The following PDE1C variants were observed in gnomAD, a reference collection of about 807,000 sequenced individuals.
PDE1C encodes phosphodiesterase 1C, also known as dual specificity calcium/calmodulin-dependent 3',5'-cyclic nucleotide phosphodiesterase 1C.
In PDE1C, 62 loss-of-function variants were observed where a neutral mutation model predicts 93.1. That is an observed-to-expected ratio of 0.67 (90% confidence interval 0.54 to 0.82). The LOEUF (loss-of-function observed/expected upper bound fraction) is 0.82. PDE1C is among the 40% of genes least tolerant of loss of function. The pLI, the probability that PDE1C is intolerant of heterozygous loss-of-function variation, is 0.00. For missense variants in PDE1C, 742 were observed against 884.6 expected, an observed-to-expected ratio of 0.84 and a Z score of 2.04; for synonymous variants, 325 against 310.1, an observed-to-expected ratio of 1.05 and a Z score of -0.50.
At chr7:31,705,986 A>ATTTTTTTTTTTT in the PDE1C span, among the ~76,000 whole-genome samples, 8 of 52,514 alleles carry the variant, frequency 1.5e-4, 1 homozygote, top group African/African-American at 3.8e-4. Flanking sequence ...CAGACCAGTA[A>ATTTTTTTTTTTT]TTTTTTTTTT....
chr7:31,890,080 T>C (rs1266503168), intron 2 of PDE1C, among the ~76,000 whole-genome samples: 1 of 152,164 alleles, frequency 6.6e-6, no homozygotes, highest in African/African-American at 2.4e-5. Context: ...GCAGACCTTA[T>C]TGGGAAAGGA....
At chr7:32,188,641 G>A (rs1392400245) in intron 2 of PDE1C, among the ~76,000 whole-genome samples, 1 of 151,984 alleles carries the variant, frequency 6.6e-6, no homozygotes, top group Non-Finnish European at 1.5e-5. Flanking sequence ...TCATTTCTTT[G>A]GGGGAATGCA....
intron 1 of PDE1C, among the ~76,000 whole-genome samples, chr7:32,408,881 T>C (rs577382003): frequency 2.0e-5 from 3 of 152,284 alleles, no homozygotes; most frequent in Admixed American, 2.0e-4. Flanking sequence ...AAAGAAAATT[T>C]TCTAAGAAAA....
chr7:32,003,202 T>C (rs1280394104), intron 2 of PDE1C, among the ~76,000 whole-genome samples: 1 of 152,222 alleles, frequency 6.6e-6, no homozygotes, highest in East Asian at 1.9e-4. Flanking sequence ...CTCCCTTTAA[T>C]GAGTTCACTT....
intron 1 of PDE1C, among the ~76,000 whole-genome samples, chr7:32,350,579 TATATATA>T (rs1367558495): frequency 1.5e-3 from 1 of 678 alleles, no homozygotes; most frequent in African/African-American, 1.8e-3. Context: ...TATATATATA[TATATATA>T]TATATTTTTT....
intron 1 of PDE1C, among the ~76,000 whole-genome samples, chr7:32,389,025 T>C (rs1353566097): frequency 6.6e-6 from 1 of 152,208 alleles, no homozygotes; most frequent in Non-Finnish European, 1.5e-5. Flanking sequence ...GTATTCAAAC[T>C]GCAAAATGTC....
At chr7:32,197,262 A>T (rs1274081634) in intron 2 of PDE1C, among the ~76,000 whole-genome samples, 1 of 152,192 alleles carries the variant, frequency 6.6e-6, no homozygotes, top group Non-Finnish European at 1.5e-5. Context: ...AATATTTCAC[A>T]CACATTAGGG....
the PDE1C span, among the ~76,000 whole-genome samples, chr7:31,686,500 T>C: frequency 7.2e-5 from 11 of 152,362 alleles, 1 homozygote; most frequent in East Asian, 1.7e-3. Context: ...CTGCTTTCTT[T>C]GCTATGTGCT....
intron 3 of PDE1C, among the ~76,000 whole-genome samples, chr7:31,880,520 T>A (rs1474722364): frequency 6.6e-6 from 1 of 152,212 alleles, no homozygotes. Context: ...CACTTCCTTG[T>A]CATGGCGGCC....
chr7:32,334,890 T>TACACCATAAATATATACTA (rs2128078134), intron 1 of PDE1C, among the ~76,000 whole-genome samples: 1 of 152,302 alleles, frequency 6.6e-6, no homozygotes, highest in Admixed American at 6.5e-5. Flanking sequence ...AAATGTTTTG[T>TACACCATAAATATATACTA]CTTTCAAATT....
chr7:32,372,980 G>A (rs1373348243), intron 1 of PDE1C, among the ~76,000 whole-genome samples: 1 of 152,112 alleles, frequency 6.6e-6, no homozygotes, highest in African/African-American at 2.4e-5. Context: ...GAGAAGATGT[G>A]GAAAAATTAA....
intron 2 of PDE1C, among the ~76,000 whole-genome samples, chr7:31,923,582 T>A (rs1375381501): frequency 6.6e-6 from 1 of 152,202 alleles, no homozygotes; most frequent in African/African-American, 2.4e-5. Context: ...TGCTTAGGAA[T>A]AATTGGAAAT....
At chr7:31,938,863 A>G (rs1446397732) in intron 2 of PDE1C, among the ~76,000 whole-genome samples, 1 of 152,200 alleles carries the variant, frequency 6.6e-6, no homozygotes, top group Non-Finnish European at 1.5e-5. Context: ...TGTCTCAATG[A>G]CACAATGGCA....
chr7:31,886,068 T>C (rs1029710808), intron 2 of PDE1C, among the ~76,000 whole-genome samples: 9 of 152,230 alleles, frequency 5.9e-5, no homozygotes, highest in Non-Finnish European at 1.0e-4. Flanking sequence ...AGGCTTTGTT[T>C]TGTTTGAAAG....
At chr7:32,013,166 A>T (rs1787394036) in intron 2 of PDE1C, among the ~76,000 whole-genome samples, 1 of 152,210 alleles carries the variant, frequency 6.6e-6, no homozygotes, top group South Asian at 2.1e-4. Flanking sequence ...TAAAGAGTGC[A>T]CTGGAAGAAA....
intron 3 of PDE1C, among the ~76,000 whole-genome samples, chr7:32,119,624 G>T (rs551858443): frequency 6.6e-6 from 1 of 152,310 alleles, no homozygotes; most frequent in East Asian, 1.9e-4. Context: ...TAGGCTGCTG[G>T]CATGATCCAC....
intron 7 of PDE1C, among the ~76,000 whole-genome samples, chr7:31,862,102 A>G (rs1179794143): frequency 1.3e-5 from 2 of 152,214 alleles, no homozygotes; most frequent in Non-Finnish European, 2.9e-5. Context: ...CACTCTTAGC[A>G]TGGCTGAAGC....
chr7:31,775,452 G>A (rs1421628528), intron 17 of PDE1C, among the ~76,000 whole-genome samples: 1 of 152,166 alleles, frequency 6.6e-6, no homozygotes, highest in Non-Finnish European at 1.5e-5. Context: ...CCATAGGTGA[G>A]GGGGACGATT....
chr7:31,920,541 C>T (rs2128957451), intron 2 of PDE1C, among the ~76,000 whole-genome samples: 1 of 151,426 alleles, frequency 6.6e-6, no homozygotes, highest in East Asian at 1.9e-4. Flanking sequence ...GGTATAGCCA[C>T]CTTGTTAAGT....
Sources: gnomAD v4.1 joint callset for allele counts (sites outside exome capture counted in the v4.1 genomes callset) on GRCh38, gnomAD v4.1.1 for gene constraint, MANE v1.5 for transcripts, NCBI Gene and HGNC (gene_info 2026-07-23, HGNC 2026-07-21) for gene names.